Variants in BMPER observed in about 807,000 individuals in gnomAD.
The protein encoded by BMPER is BMP binding endothelial regulator, also known as BMP-binding endothelial regulator protein.
Under a neutral mutation model 87.3 loss-of-function variants are expected in BMPER, and 45 were observed. That is an observed-to-expected ratio of 0.52 (90% CI 0.41 to 0.66). BMPER has a LOEUF of 0.66. Among genes scored for constraint, BMPER ranks in the 30% least tolerant of loss-of-function variants. The pLI is 0.00. For missense variants in BMPER, 784 were observed against 867.5 expected, an observed-to-expected ratio of 0.90 and a Z score of 1.21; for synonymous variants, 326 against 316.2, an observed-to-expected ratio of 1.03 and a Z score of -0.33.
Position 33,951,116 on chromosome 7 carries a change from C to T in BMPER, c.319+13728C>T, listed in dbSNP as rs372720449. Among the ~76,000 whole-genome samples the T allele has an allele frequency of 8.6e-5, 13 of 151,556 alleles. No homozygotes were observed. The South Asian group carries it at 1.9e-3, about 22-fold the overall frequency. ...AGGCTGGAGTGCAATGGCAGGATCTCGGCTCACTGCAACCTCTGCCTCCCA... is the reference window on the plus strand; with the variant it reads ...AGGCTGGAGTGCAATGGCAGGATCTTGGCTCACTGCAACCTCTGCCTCCCA... On this transcript the variant is annotated intron_variant, in intron 3 of 14. Transcript: ENST00000649409.
intron 2 of BMPER, among the ~76,000 whole-genome samples, chr7:33,920,714 C>T (rs778186871): frequency 1.2e-4 from 19 of 152,156 alleles, no homozygotes; most frequent in South Asian, 6.2e-4. Flanking sequence ...CGTGAGCCAT[C>T]GCACCTGGCC....
At chr7:34,145,337 C>T (rs1008811365) in intron 14 of BMPER, among the ~76,000 whole-genome samples, 18 of 152,136 alleles carry the variant, frequency 1.2e-4, no homozygotes, top group African/African-American at 3.6e-4. Flanking sequence ...ATTTTGGTTG[C>T]GCCCCCACCT....
At chr7:33,992,195 C>G (rs1156757689) in intron 6 of BMPER, among the ~76,000 whole-genome samples, 1 of 144,408 alleles carries the variant, frequency 6.9e-6, no homozygotes, top group African/African-American at 2.6e-5. Context: ...TCTCGTTGAT[C>G]TGTCTAATGT....
intron 1 of BMPER, 88 bp downstream of exon 1, chr7:33,905,834 G>A (rs1188554023): frequency 2.4e-6 from 3 of 1,228,642 alleles, no homozygotes; most frequent in Admixed American, 3.8e-5. Context: ...GGGGATGGGA[G>A]GGTGGGGAGC....
At chr7:33,907,765 G>T (rs1783858651) in intron 2 of BMPER, among the ~76,000 whole-genome samples, 1 of 152,158 alleles carries the variant, frequency 6.6e-6, no homozygotes, top group African/African-American at 2.4e-5. Flanking sequence ...ATACATTAAG[G>T]CAGTCAAATG....
chr7:34,056,616 C>CTTT (rs34663962), intron 9 of BMPER, among the ~76,000 whole-genome samples: 3 of 131,168 alleles, frequency 2.3e-5, no homozygotes, highest in Non-Finnish European at 3.3e-5. Flanking sequence ...GTGCAATGCA[C>CTTT]TTTTTTTTTT....
intron 13 of BMPER, among the ~76,000 whole-genome samples, chr7:34,118,140 A>T (rs533468739): frequency 1.5e-3 from 231 of 152,156 alleles, no homozygotes; most frequent in African/African-American, 5.4e-3. Context: ...CCCCGTCTCT[A>T]CTAAAAATAT....
At chr7:33,905,528 G>C (rs1234502071), upstream of BMPER, 4 of 1,541,876 alleles carry the variant, frequency 2.6e-6, no homozygotes, top group Non-Finnish European at 2.6e-6. Context: ...CGCCGGCTGA[G>C]AGCCCTTTTC....
chr7:34,080,948 A>G (rs946221692), intron 12 of BMPER, among the ~76,000 whole-genome samples: 6 of 152,238 alleles, frequency 3.9e-5, no homozygotes, highest in African/African-American at 1.4e-4. Flanking sequence ...TGCCATAATT[A>G]GATTAGTGAA....
intron 6 of BMPER, among the ~76,000 whole-genome samples, chr7:33,991,996 T>A (rs1463863090): frequency 6.7e-6 from 1 of 148,822 alleles, no homozygotes; most frequent in Non-Finnish European, 1.5e-5. Context: ...TTGTTATAAT[T>A]TCTGTTCTTT....
At chr7:33,966,656 G>C in intron 4 of BMPER, 95 bp downstream of exon 4, 9 of 1,211,474 alleles carry the variant, frequency 7.4e-6, no homozygotes, top group Non-Finnish European at 2.4e-6. Context: ...CCCTAAAAAG[G>C]CCAAACAGAA....
intron 2 of BMPER, among the ~76,000 whole-genome samples, chr7:33,908,676 C>A (rs1783880715): frequency 6.6e-6 from 1 of 152,160 alleles, no homozygotes; most frequent in African/African-American, 2.4e-5. Context: ...ATTTAAGTAA[C>A]AGTTGTAGGT....
intron 6 of BMPER, among the ~76,000 whole-genome samples, chr7:33,980,405 A>G (rs1168343687): frequency 6.6e-6 from 1 of 152,210 alleles, no homozygotes; most frequent in Non-Finnish European, 1.5e-5. Flanking sequence ...TTTATAAAGT[A>G]TACTGAGTGT....
intron 3 of BMPER, among the ~76,000 whole-genome samples, chr7:33,959,400 C>T (rs1020274885): frequency 2.0e-5 from 3 of 152,102 alleles, no homozygotes; most frequent in African/African-American, 7.2e-5. Context: ...AGGACTGTCT[C>T]TCCTGGTGTA....
intron 6 of BMPER, among the ~76,000 whole-genome samples, chr7:34,038,230 G>C (rs1042280584): frequency 1.1e-4 from 16 of 152,108 alleles, no homozygotes; most frequent in Non-Finnish European, 2.2e-4. Flanking sequence ...ACTTATAAAA[G>C]GGAAGCAGGA....
At chr7:34,024,385 ATATATATATATATAT>A (rs1275172898) in intron 6 of BMPER, among the ~76,000 whole-genome samples, 70 of 3,748 alleles carry the variant, frequency 0.019, 3 homozygotes, top group African/African-American at 0.028. Flanking sequence ...AAAAAAAACA[ATATATATATATATAT>A]ATATATATAT....
At chr7:33,998,448 C>T (rs1786479239) in intron 6 of BMPER, among the ~76,000 whole-genome samples, 1 of 152,188 alleles carries the variant, frequency 6.6e-6, no homozygotes, top group Non-Finnish European at 1.5e-5. Context: ...GTTGGAATGT[C>T]AGAGCAGACT....
intron 13 of BMPER, among the ~76,000 whole-genome samples, chr7:34,128,378 C>T (rs1298048747): frequency 6.6e-6 from 1 of 152,118 alleles, no homozygotes; most frequent in Non-Finnish European, 1.5e-5. Flanking sequence ...TTATTACAAC[C>T]TATTTTGGCA....
At chr7:33,966,760 T>C (rs1226788826) in intron 4 of BMPER, among the ~76,000 whole-genome samples, 199 bp downstream of exon 4, 1 of 152,012 alleles carries the variant, frequency 6.6e-6, no homozygotes, top group African/African-American at 2.4e-5. Context: ...GTGTAGAACT[T>C]GCTTCCAGAA....
Sources: gnomAD v4.1 joint callset for allele counts (sites outside exome capture counted in the v4.1 genomes callset) on GRCh38, gnomAD v4.1.1 for gene constraint, MANE v1.5 for transcripts, NCBI Gene and HGNC (gene_info 2026-07-23, HGNC 2026-07-21) for gene names.